Variants in MIR2052HG observed in about 807,000 individuals in gnomAD.
MIR2052HG encodes the protein MIR2052 host gene.
At chr8:74,703,407 A>G (rs1473750556) in intron 3 of MIR2052HG, among the ~76,000 whole-genome samples, 1 of 152,018 alleles carries the variant, frequency 6.6e-6, no homozygotes, top group African/African-American at 2.4e-5. Context: ...GCACTAGGGA[A>G]TGGGAAATAC....
At chr8:74,715,837 C>A (rs1250652730) in intron 4 of MIR2052HG, among the ~76,000 whole-genome samples, 1 of 152,176 alleles carries the variant, frequency 6.6e-6, no homozygotes, top group Non-Finnish European at 1.5e-5. Flanking sequence ...CAATTAAAGC[C>A]TCTGGGCCTC....
intron 4 of MIR2052HG, among the ~76,000 whole-genome samples, chr8:74,716,153 G>C (rs1251579016): frequency 6.6e-6 from 1 of 152,128 alleles, no homozygotes; most frequent in Admixed American, 6.5e-5. Context: ...CCTTGGATGA[G>C]TGCCACCTGA....
intron 2 of MIR2052HG, among the ~76,000 whole-genome samples, chr8:74,620,117 A>C (rs1563514679): frequency 6.6e-6 from 1 of 152,212 alleles, no homozygotes; most frequent in Non-Finnish European, 1.5e-5. Flanking sequence ...CTTAAGTTCC[A>C]AAATTATCTC....
chr8:74,751,883 A>T (rs757510307), intron 4 of MIR2052HG, among the ~76,000 whole-genome samples: 18 of 152,216 alleles, frequency 1.2e-4, no homozygotes, highest in Non-Finnish European at 2.2e-4. Flanking sequence ...GATGGTTGGT[A>T]TATGGAGAGG....
At chr8:74,611,148 A>T (rs947875860) in intron 1 of MIR2052HG, among the ~76,000 whole-genome samples, 4 of 152,100 alleles carry the variant, frequency 2.6e-5, no homozygotes, top group African/African-American at 9.7e-5. Context: ...ATAATGTAAT[A>T]TTGGCAAAAT....
chr8:74,651,193 T>G (rs539056008), intron 2 of MIR2052HG, among the ~76,000 whole-genome samples: 2 of 152,154 alleles, frequency 1.3e-5, no homozygotes, highest in African/African-American at 4.8e-5. Flanking sequence ...CCATAGCCGT[T>G]GGGAACTGGT....
chr8:74,727,821 G>A (rs16938940), intron 4 of MIR2052HG, among the ~76,000 whole-genome samples: 20,789 of 152,170 alleles, frequency 0.14, 3,583 homozygotes, highest in African/African-American at 0.41. Flanking sequence ...ATTCTTGGGT[G>A]TGGTGACACT....
chr8:74,684,052 C>T (rs920765133), intron 2 of MIR2052HG, among the ~76,000 whole-genome samples: 3 of 152,040 alleles, frequency 2.0e-5, no homozygotes, highest in African/African-American at 4.8e-5. Flanking sequence ...ATTTTTATTC[C>T]ACAAGTCCTT....
intron 4 of MIR2052HG, among the ~76,000 whole-genome samples, chr8:74,716,306 C>T (rs1459154137): frequency 6.6e-6 from 1 of 152,176 alleles, no homozygotes; most frequent in Non-Finnish European, 1.5e-5. Flanking sequence ...TCCCTTGCAT[C>T]TGCTACAATT....
chr8:74,754,632 G>C (rs555798926), intron 5 of MIR2052HG, among the ~76,000 whole-genome samples: 1 of 152,310 alleles, frequency 6.6e-6, no homozygotes, highest in African/African-American at 2.4e-5. Context: ...CTTTAGAGTG[G>C]TTTTCAGCCC....
intron 2 of MIR2052HG, among the ~76,000 whole-genome samples, chr8:74,687,680 G>T (rs937202337): frequency 6.6e-6 from 1 of 152,078 alleles, no homozygotes; most frequent in Non-Finnish European, 1.5e-5. Flanking sequence ...GGGGTTGGGG[G>T]TGAGGGAAAT....
At chr8:74,697,583 A>T (rs1042717000) in intron 2 of MIR2052HG, among the ~76,000 whole-genome samples, 3 of 152,126 alleles carry the variant, frequency 2.0e-5, no homozygotes, top group Non-Finnish European at 4.4e-5. Context: ...AACCCTAAAG[A>T]CGCATCTAAA....
intron 1 of MIR2052HG, among the ~76,000 whole-genome samples, chr8:74,607,398 G>A (rs1186650897): frequency 6.6e-6 from 1 of 152,190 alleles, no homozygotes; most frequent in Admixed American, 6.5e-5. Flanking sequence ...GATCACCTGA[G>A]GTCAGGAGTT....
At chr8:74,603,310 G>C in intron 1 of MIR2052HG, 1 of 1,598,898 alleles carries the variant, frequency 6.3e-7, no homozygotes, top group African/African-American at 1.3e-5. Flanking sequence ...CATGCCACCC[G>C]TCTCCGAGGA....
intron 4 of MIR2052HG, among the ~76,000 whole-genome samples, chr8:74,750,686 A>G (rs1386740229): frequency 6.6e-6 from 1 of 152,234 alleles, no homozygotes; most frequent in African/African-American, 2.4e-5. Flanking sequence ...CAATGAAAAC[A>G]GGACCATCAT....
chr8:74,607,547 G>A (rs1051151043), intron 1 of MIR2052HG, among the ~76,000 whole-genome samples: 1 of 152,146 alleles, frequency 6.6e-6, no homozygotes, highest in Non-Finnish European at 1.5e-5. Flanking sequence ...AGGAGGCAGA[G>A]GTTGCAGTGA....
intron 4 of MIR2052HG, among the ~76,000 whole-genome samples, chr8:74,741,703 T>A (rs1809833428): frequency 6.6e-6 from 1 of 152,178 alleles, no homozygotes; most frequent in African/African-American, 2.4e-5. Context: ...GACTCAAGCC[T>A]AAATGAATTT....
chr8:74,722,775 T>C (rs1227074683), intron 4 of MIR2052HG, among the ~76,000 whole-genome samples: 1 of 152,236 alleles, frequency 6.6e-6, no homozygotes, highest in East Asian at 1.9e-4. Flanking sequence ...ACCAGAACTT[T>C]TGTGGATTAA....
At chr8:74,602,815 GTGTT>G (rs1808022317) in intron 1 of MIR2052HG, among the ~76,000 whole-genome samples, 13 of 22,554 alleles carry the variant, frequency 5.8e-4, no homozygotes, top group Non-Finnish European at 8.8e-4. Context: ...ATGCCCGGCC[GTGTT>G]TCTTTCTTTC....
Sources: allele counts gnomAD v4.1 joint callset (sites outside exome capture counted in the v4.1 genomes callset), GRCh38; gene constraint gnomAD v4.1.1; transcripts MANE v1.5; gene names NCBI Gene and HGNC (gene_info 2026-07-23, HGNC 2026-07-21).